NR6A1: variants seen among roughly 807,000 people sequenced by gnomAD.
NR6A1 encodes nuclear receptor subfamily 6 group A member 1.
In NR6A1, 7 loss-of-function variants were observed where a neutral mutation model predicts 59.1. The observed-to-expected ratio is 0.12, with a 90% confidence interval of 0.07 to 0.22. NR6A1 has a LOEUF of 0.22. Among genes scored for constraint, NR6A1 ranks in the 10% least tolerant of loss-of-function variants. The probability of loss-of-function intolerance (pLI) is 1.00; values close to 1 mark genes in which losing one functional copy is unlikely to be tolerated. For synonymous variants in NR6A1, 243 were observed against 236.1 expected, an observed-to-expected ratio of 1.03 and a Z score of -0.27; for missense variants, 468 against 611.6, an observed-to-expected ratio of 0.77 and a Z score of 2.48.
chr9:124,600,169 T>C (rs1299450651), intron 2 of NR6A1, among the ~76,000 whole-genome samples: 2 of 152,216 alleles, frequency 1.3e-5, no homozygotes, highest in Non-Finnish European at 2.9e-5. Context: ...TGTTTCAAAT[T>C]CCTTTTTAAA....
intron 2 of NR6A1, among the ~76,000 whole-genome samples, chr9:124,584,393 C>T (rs185234305): frequency 4.1e-4 from 62 of 152,140 alleles, no homozygotes; most frequent in East Asian, 1.2e-3. Flanking sequence ...TGTGAGCCAC[C>T]GCGCCCAGCC....
chr9:124,765,418 G>A (rs62581858), intron 1 of NR6A1, among the ~76,000 whole-genome samples: 3,748 of 152,276 alleles, frequency 0.025, 61 homozygotes, highest in Admixed American at 0.039. Context: ...CTATTTAGAC[G>A]TAAGAATTTG....
At chr9:124,661,119 G>T (rs1222846722) in intron 2 of NR6A1, among the ~76,000 whole-genome samples, 9 of 151,970 alleles carry the variant, frequency 5.9e-5, no homozygotes, top group Non-Finnish European at 1.0e-4. Context: ...CGAGTTCTGG[G>T]TTGTATTTTC....
At chr9:124,637,130 C>T (rs1000725506) in intron 2 of NR6A1, among the ~76,000 whole-genome samples, 3 of 152,082 alleles carry the variant, frequency 2.0e-5, no homozygotes, top group South Asian at 2.1e-4. Context: ...ATTTGAGCTC[C>T]GTTTTGAAGT....
intron 2 of NR6A1, among the ~76,000 whole-genome samples, chr9:124,728,471 T>C (rs1839790003): frequency 6.6e-6 from 1 of 151,614 alleles, no homozygotes. Flanking sequence ...CCATCTCTAC[T>C]AAAAAACAGA....
chr9:124,677,283 G>A (rs1423769872), intron 2 of NR6A1, among the ~76,000 whole-genome samples: 1 of 151,756 alleles, frequency 6.6e-6, no homozygotes, highest in Non-Finnish European at 1.5e-5. Flanking sequence ...TCTGGAGACA[G>A]AGTCTCACTT....
At position 124,541,385 on chromosome 9, in the gene NR6A1, A is replaced by G. The variant is rs143679739; in HGVS notation, c.442-1198T>C. 5.0e-3 allele frequency among the ~76,000 whole-genome samples: 758 copies of G among 152,322 alleles called. 8 individuals are homozygous for G. Among genetic ancestry groups the G allele is most frequent in the African/African-American group, 0.018 (733 of 41,576 alleles). On this transcript the variant is annotated intron_variant, in intron 4 of 9. Transcript: ENST00000487099. ...ATAGGTATATAAAAAGATGCTCAAT[A>G]TCACTTATCATCAGGAAAATACAAA...
intron 2 of NR6A1, among the ~76,000 whole-genome samples, chr9:124,711,150 T>G (rs1326301295): frequency 7.1e-6 from 1 of 140,938 alleles, no homozygotes; most frequent in Non-Finnish European, 1.5e-5. Flanking sequence ...AACATGCAAG[T>G]TAAGTAGATT....
At chr9:124,538,422 T>A in intron 5 of NR6A1, 103 bp from the exon 6 acceptor site, 1 of 800,148 alleles carries the variant, frequency 1.2e-6, no homozygotes, top group Non-Finnish European at 2.1e-6. Context: ...GAACATGAGG[T>A]ATGTGTCTTC....
chr9:124,711,100 T>C (rs1839266865), intron 2 of NR6A1, among the ~76,000 whole-genome samples: 1 of 144,294 alleles, frequency 6.9e-6, no homozygotes, highest in Non-Finnish European at 1.5e-5. Context: ...TTGTACATAA[T>C]AGTCCACTGC....
intron 1 of NR6A1, among the ~76,000 whole-genome samples, chr9:124,739,000 T>TAAAAAAAA (rs397703492): frequency 7.3e-6 from 1 of 137,702 alleles, no homozygotes; most frequent in Non-Finnish European, 1.5e-5. Flanking sequence ...AGACTCCATC[T>TAAAAAAAA]AAAAAAAAAA....
At chr9:124,632,490 T>C (rs867731802) in intron 2 of NR6A1, among the ~76,000 whole-genome samples, 3 of 152,220 alleles carry the variant, frequency 2.0e-5, no homozygotes, top group Non-Finnish European at 2.9e-5. Flanking sequence ...TTCCTGTCCT[T>C]TGTCCACTTT....
At chr9:124,711,446 A>G (rs75941497) in intron 2 of NR6A1, among the ~76,000 whole-genome samples, 1 of 151,606 alleles carries the variant, frequency 6.6e-6, no homozygotes, top group East Asian at 1.9e-4. Context: ...AAAAAAAAAA[A>G]GCCACATCTT....
chr9:124,601,209 G>T (rs886732526), intron 2 of NR6A1, among the ~76,000 whole-genome samples: 3 of 152,110 alleles, frequency 2.0e-5, no homozygotes, highest in Non-Finnish European at 4.4e-5. Context: ...CCCGGAGACG[G>T]AGGTTGCAGT....
chr9:124,579,227 G>A (rs1194752123), intron 2 of NR6A1, among the ~76,000 whole-genome samples: 5 of 152,134 alleles, frequency 3.3e-5, no homozygotes, highest in African/African-American at 7.2e-5. Context: ...GACTAGCCCT[G>A]GCTACATAGC....
chr9:124,703,509 A>G (rs545645685), intron 2 of NR6A1, among the ~76,000 whole-genome samples: 108 of 151,872 alleles, frequency 7.1e-4, no homozygotes, highest in African/African-American at 2.3e-3. Flanking sequence ...TGCCCAGCCC[A>G]TCCTACCTTT....
At position 124,595,864 on chromosome 9, in the gene NR6A1, G is replaced by T. The variant is rs186422635; in HGVS notation, c.143-41294C>A. 2,498 of 1,266,974 alleles carry T rather than the reference G, an allele frequency of 2.0e-3. 3 individuals carry two copies. The highest frequency in any genetic ancestry group is 2.4e-3 in the Non-Finnish European group (2,334 of 968,676). The allele number at this position is 1,266,974 out of a possible 1,614,324, so 78.5% of individuals were successfully genotyped here. A position where few individuals can be genotyped will look rare whatever the true frequency, so the allele number is the denominator to read the frequency against. On this transcript the variant is annotated intron_variant, in intron 2 of 9. Coordinates refer to ENST00000487099, the MANE Select transcript of NR6A1 (RefSeq NM_033334.4). ...TTGATGACTACCCTTCCGACACTTG[G>T]TCAATTCCTCTAAGCCGGGACTACG...
At chr9:124,749,712 C>T (rs1840440855) in intron 1 of NR6A1, among the ~76,000 whole-genome samples, 1 of 152,170 alleles carries the variant, frequency 6.6e-6, no homozygotes, top group Admixed American at 6.5e-5. Flanking sequence ...AGATGCACAC[C>T]ATCACACCAG....
At chr9:124,646,967 T>C (rs1306624461) in intron 2 of NR6A1, among the ~76,000 whole-genome samples, 1 of 152,232 alleles carries the variant, frequency 6.6e-6, no homozygotes, top group Non-Finnish European at 1.5e-5. Context: ...CAGGCTGAAG[T>C]GCAGTGCTGT....
Sources: allele counts gnomAD v4.1 joint callset (sites outside exome capture counted in the v4.1 genomes callset), GRCh38; gene constraint gnomAD v4.1.1; transcripts MANE v1.5; gene names NCBI Gene and HGNC (gene_info 2026-07-23, HGNC 2026-07-21).